The following PMCH variants were observed in gnomAD, a reference collection of about 807,000 sequenced individuals.
PMCH encodes pro-melanin concentrating hormone.
A neutral mutation model predicts 15.9 loss-of-function variants in PMCH; 8 were observed. The observed-to-expected ratio is 0.50, with a 90% confidence interval of 0.29 to 0.91. PMCH has a LOEUF of 0.91. Among genes scored for constraint, PMCH ranks in the 40% least tolerant of loss-of-function variants. The pLI is 0.07. For missense variants in PMCH, 169 were observed against 185.7 expected (o/e 0.91, Z 0.52); for synonymous variants, 73 against 63.8 (o/e 1.14, Z -0.69).
rs752447323 is a variant in PMCH at position 102,197,160 on chromosome 12, G to C, written c.261C>G (p.Ser87=). 9.9e-6 allele frequency: 16 copies of C among 1,611,234 alleles called. No homozygotes were observed. The East Asian group carries it at 2.2e-4, about 22-fold the overall frequency. ...GACCATGATTTAAGAAATTATGTTTGGAGCCTGTGTTCTGTAAAGAGAAGG... is the reference window on the plus strand; with the variant it reads ...GACCATGATTTAAGAAATTATGTTTCGAGCCTGTGTTCTGTAAAGAGAAGG... ...EENKVSKNTG[S]KHNFLNHGLP... Residue 87 remains serine, a synonymous_variant, in exon 2 of 3, where the codon TCC becomes TCG. Coordinates refer to ENST00000329406, the MANE Select transcript of PMCH (RefSeq NM_002674.4).
At position 102,197,386 on chromosome 12, in the gene PMCH, G is replaced by A. The variant is rs10860843; in HGVS notation, c.249+136C>T. ...AACTACCTGGCATGTAAGAAATATC[G>A]TCAGTCGTCCTAATGCATATTGTGA... On this transcript the variant is annotated intron_variant, in intron 1 of 2. Transcript: ENST00000329406. 4.8e-3 allele frequency: 4,208 copies of A among 868,232 alleles called. 118 individuals are homozygous for A. The African/African-American group carries it at 0.061, about 13-fold the overall frequency. The allele number at this position is 868,232 out of a possible 1,614,324, so 53.8% of individuals were successfully genotyped here.
rs578029835 is a variant in PMCH, at chr12:102,196,667, A to C, written c.483T>G (p.Pro161=). ...LRCMLGRVYR[P]CWQV ...CCAACAGGTATCAGACTTGCCAACAAGGTCGGTAGACTCTTCCCAGCATAC... is the reference window on the plus strand; with the variant it reads ...CCAACAGGTATCAGACTTGCCAACACGGTCGGTAGACTCTTCCCAGCATAC... Residue 161 remains proline (P), a synonymous_variant, in exon 3 of 3, where the codon CCT becomes CCG. Transcript: ENST00000329406. The C allele has an allele frequency of 6.2e-7, 1 of 1,610,428 alleles. No individual in the cohort carries two copies. Among genetic ancestry groups the C allele is most frequent in the Admixed American group, 1.7e-5 (1 of 59,940 alleles).
At position 102,196,986 on chromosome 12, in the gene PMCH, C is replaced by T. The variant is rs1462432505; in HGVS notation, c.435G>A (p.Arg145=). 3 of 1,610,730 alleles carry T rather than the reference C, an allele frequency of 1.9e-6. No individual in the cohort carries two copies. The highest frequency in any genetic ancestry group is 2.5e-6 in the Non-Finnish European group (3 of 1,177,774). ...AAGACTACTCACTGTCAAAATCTCT[C>T]CTTCCTATAGGAAATTTAGCTGAGT... ...EENSAKFPIG[R]RDFDMLRCML... The change falls in exon 2 of 3, where the codon AGG becomes AGA. Residue 145 remains arginine (R), a synonymous_variant. Transcript: ENST00000329406.
intron 1 of PMCH, 112 bp from the exon 2 acceptor site, chr12:102,197,283 A>G: frequency 3.1e-6 from 3 of 981,012 alleles, no homozygotes; most frequent in Middle Eastern, 4.4e-4. Context: ...ACTGTTTTTG[A>G]CTTTTTAAAA....
intron 1 of PMCH, 173 bp from the exon 2 acceptor site, chr12:102,197,344 G>T: frequency 1.2e-6 from 1 of 813,344 alleles, no homozygotes. Flanking sequence ...GATAAGAGGT[G>T]TTTGCTGGGA....
At chr12:102,197,348 G>C (rs1891404708) in intron 1 of PMCH, 174 bp downstream of exon 1, 1 of 810,174 alleles carries the variant, frequency 1.2e-6, no homozygotes, top group South Asian at 1.8e-5. Context: ...AGAGGTGTTT[G>C]CTGGGATGGA....
At position 102,196,664 on chromosome 12, in the gene PMCH, A is replaced by G; in HGVS notation, c.486T>C (p.Cys162=). ...RCMLGRVYRP[C]WQV Reference sequence around the variant, plus strand: ...GGACCAACAGGTATCAGACTTGCCAACAAGGTCGGTAGACTCTTCCCAGCA... The same window carrying G: ...GGACCAACAGGTATCAGACTTGCCAGCAAGGTCGGTAGACTCTTCCCAGCA... The change falls in exon 3 of 3, where the codon TGT becomes TGC. Residue 162 remains cysteine (C), a synonymous_variant. Coordinates refer to ENST00000329406, the MANE Select transcript of PMCH (RefSeq NM_002674.4). The G allele has an allele frequency of 1.2e-6, 2 of 1,610,506 alleles. No individual in the cohort carries two copies. Among genetic ancestry groups the G allele is most frequent in the East Asian group, 2.2e-5 (1 of 44,808 alleles).
rs759683350 is a variant in PMCH at position 102,197,691 on chromosome 12, G to A, written c.80C>T (p.Ser27Phe). ...LFSQGILLSA[S>F]KSIRNLDDDM... The stretch of plus-strand genomic sequence containing the variant: ...ATCATCTAAATTTCTTATGGACTTG[G>A]ATGCTGAAAGTAAAATACCTTGAGA... The change falls in exon 1 of 3, where the codon TCC becomes TTC. Residue 27 changes from serine (S) to phenylalanine (F), a missense_variant. Coordinates refer to ENST00000329406, the MANE Select transcript of PMCH (RefSeq NM_002674.4). The A allele has an allele frequency of 6.2e-7, 1 of 1,609,706 alleles. No individual in the cohort carries two copies. Among genetic ancestry groups the A allele is most frequent in the Non-Finnish European group, 8.5e-7 (1 of 1,176,814 alleles).
At chr12:102,197,418 G>T in intron 1 of PMCH, 104 bp downstream of exon 1, 2 of 1,070,594 alleles carry the variant, frequency 1.9e-6, no homozygotes, top group Non-Finnish European at 2.7e-6. Flanking sequence ...GTGACTGTTT[G>T]CATATACTTC....
chr12:102,197,018 C>T lies in PMCH; in HGVS notation c.403G>A (p.Glu135Lys). 6.2e-7 allele frequency: 1 copy of T among 1,612,066 alleles called. No homozygotes were observed. Residue 135 changes from glutamate (E) to lysine (K), a missense_variant, in exon 2 of 3, where the codon GAA (glutamate) becomes AAA (lysine). By Grantham distance (56) the Glu-to-Lys change is moderately conservative. Coordinates refer to ENST00000329406, the MANE Select transcript of PMCH (RefSeq NM_002674.4). The stretch of plus-strand genomic sequence containing the variant: ...ATAGGAAATTTAGCTGAGTTTTCTT[C>T]ATCCCCAATTTCTCTCTTTTCTTGT... ...STQEKREIGD[E>K]ENSAKFPIGR...
At chr12:102,196,879 G>A in intron 2 of PMCH, 94 bp downstream of exon 2, 1 of 1,168,896 alleles carries the variant, frequency 8.6e-7, no homozygotes, top group Non-Finnish European at 1.2e-6. Context: ...GGTCTTATTT[G>A]ATTTTGTTAT....
chr12:102,197,690 G>A lies in PMCH; in HGVS notation c.81C>T (p.Ser27=), dbSNP rs1195999458. Residue 27 remains serine (S), a synonymous_variant, in exon 1 of 3, where the codon TCC becomes TCT. Coordinates refer to ENST00000329406, the MANE Select transcript of PMCH (RefSeq NM_002674.4). The part of the protein sequence containing the change: ...LFSQGILLSA[S]KSIRNLDDDM... ...CATCATCTAAATTTCTTATGGACTT[G>A]GATGCTGAAAGTAAAATACCTTGAG... 1 of 1,609,614 alleles carries A rather than the reference G, an allele frequency of 6.2e-7. No individual in the cohort carries two copies. Among genetic ancestry groups the A allele is most frequent in the East Asian group, 2.2e-5 (1 of 44,728 alleles).
chr12:102,197,726 A>G lies in PMCH; in HGVS notation c.45T>C (p.Phe15=), dbSNP rs1382190734. 1.9e-6 allele frequency: 3 copies of G among 1,602,190 alleles called. No homozygotes were observed. Among genetic ancestry groups the G allele is most frequent in the Non-Finnish European group, 2.6e-6 (3 of 1,170,998 alleles). ...NLSSYILILT[F]SLFSQGILLS... ...GTAAAATACCTTGAGAAAACAAAGA[A>G]AAAGTTAGTATTAATATATAGGAAG... is the stretch of plus-strand genomic sequence containing the variant. Residue 15 remains phenylalanine (F), a synonymous_variant, in exon 1 of 3, where the codon TTT becomes TTC. Coordinates refer to ENST00000329406, the MANE Select transcript of PMCH (RefSeq NM_002674.4).
At position 102,196,695 on chromosome 12, in the gene PMCH, C is replaced by T; in HGVS notation, c.455G>A (p.Arg152Lys). 6.2e-7 allele frequency: 1 copy of T among 1,607,560 alleles called. No homozygotes were observed. Among genetic ancestry groups the T allele is most frequent in the South Asian group, 1.1e-5 (1 of 90,892 alleles). ...PIGRRDFDMLRCMLGRVYRPC... is the reference protein window; with the variant it reads ...PIGRRDFDMLKCMLGRVYRPC... ...TCGGTAGACTCTTCCCAGCATACAT[C>T]TGAGCACTGAAGGAAGAAGAAAGTT... The change falls in exon 3 of 3, where the codon AGA (arginine) becomes AAA (lysine). Residue 152 changes from arginine (R) to lysine (K), a missense_variant. Arg to Lys is a conservative substitution (Grantham distance 26). Coordinates refer to ENST00000329406, the MANE Select transcript of PMCH (RefSeq NM_002674.4).
chr12:102,196,673 G>A lies in PMCH; in HGVS notation c.477C>T (p.Tyr159=), dbSNP rs1891337206. The A allele has an allele frequency of 6.2e-7, 1 of 1,610,294 alleles. No individual in the cohort carries two copies. The highest frequency in any genetic ancestry group is 8.5e-7 in the Non-Finnish European group (1 of 1,177,078). ...GGTATCAGACTTGCCAACAAGGTCG[G>A]TAGACTCTTCCCAGCATACATCTGA... is the stretch of plus-strand genomic sequence containing the variant. The part of the protein sequence containing the change: ...DMLRCMLGRV[Y]RPCWQV Residue 159 remains tyrosine, a synonymous_variant, in exon 3 of 3, where the codon TAC becomes TAT. Coordinates refer to ENST00000329406, the MANE Select transcript of PMCH (RefSeq NM_002674.4).
chr12:102,197,798 A>G lies in PMCH; in HGVS notation c.-28T>C, dbSNP rs1156296081. On this transcript the variant is annotated 5_prime_UTR_variant, in exon 1 of 3. Coordinates refer to ENST00000329406, the MANE Select transcript of PMCH (RefSeq NM_002674.4). ...TTAGTTTGATGTTTGCATACAGTCA[A>G]ACAAGAAAGAAAATGAAAAATTTCT... 4 of 1,502,284 alleles carry G rather than the reference A, an allele frequency of 2.7e-6. No individual in the cohort carries two copies. The highest frequency in any genetic ancestry group is 3.6e-6 in the Non-Finnish European group (4 of 1,122,224). 93.1% of individuals were successfully genotyped at this position (1,502,284 alleles called of 1,614,324 possible). A position where few individuals can be genotyped will look rare whatever the true frequency, so the allele number is the denominator to read the frequency against.
chr12:102,196,753 A>G, intron 2 of PMCH, 52 bp from the exon 3 acceptor site: 2 of 1,376,536 alleles, frequency 1.5e-6, no homozygotes, highest in Non-Finnish European at 2.1e-6. Context: ...TTATCACACA[A>G]AATTTATTAA....
In PMCH at chr12:102,197,335, A is replaced by G. The variant is rs1358683529; in HGVS notation, c.250-164T>C. ...TTTATAGGAGAAAAAACACTTTCAG[A>G]TAAGAGGTGTTTGCTGGGATGGAAG... is the stretch of plus-strand genomic sequence containing the variant. On this transcript the variant is annotated intron_variant, in intron 1 of 2. Transcript: ENST00000329406. 3.7e-6 allele frequency: 3 copies of G among 814,578 alleles called. No homozygotes were observed. In the African/African-American group the frequency reaches 5.2e-5, roughly 14 times the overall value. 50.5% of individuals were successfully genotyped at this position (814,578 alleles called of 1,614,324 possible). A position where few individuals can be genotyped will look rare whatever the true frequency, so the allele number is the denominator to read the frequency against.
intron 2 of PMCH, 28 bp downstream of exon 2, chr12:102,196,945 A>C: frequency 6.4e-7 from 1 of 1,552,138 alleles, no homozygotes; most frequent in South Asian, 1.1e-5. Flanking sequence ...GTAGGATGTA[A>C]GAATTGAATT....
Sources: allele counts gnomAD v4.1 joint callset, GRCh38; gene constraint gnomAD v4.1.1; transcripts MANE v1.5; gene names NCBI Gene and HGNC (gene_info 2026-07-23, HGNC 2026-07-21).